ERCC6: variants seen among roughly 807,000 people sequenced by gnomAD.
The protein encoded by ERCC6 is ERCC excision repair 6, chromatin remodeling factor.
ERCC6 carries 116 observed loss-of-function variants against 158.7 expected under a neutral mutation model. The ratio of observed to expected loss-of-function variants is 0.73; its 90% CI spans 0.63 to 0.85. The LOEUF (loss-of-function observed/expected upper bound fraction) is 0.85. Among genes scored for constraint, ERCC6 ranks in the 40% least tolerant of loss-of-function variants. The probability of loss-of-function intolerance (pLI) is 0.00; values close to 1 mark genes in which losing one functional copy is unlikely to be tolerated. For missense variants in ERCC6, 1,698 were observed against 1,799.4 expected (o/e 0.94, Z 1.02); for synonymous variants, 678 against 659.3 (o/e 1.03, Z -0.43).
At chr10:49,460,600 C>T in intron 19 of ERCC6, 149 bp from the exon 20 acceptor site, 2 of 685,532 alleles carry the variant, frequency 2.9e-6, no homozygotes, top group South Asian at 3.3e-5. Context: ...CTCTATCCCC[C>T]TCGATTCTTC....
chr10:49,435,585 C>T, the ERCC6 span, among the ~76,000 whole-genome samples: 2 of 152,112 alleles, frequency 1.3e-5, no homozygotes, highest in African/African-American at 4.8e-5. Flanking sequence ...TGGAAGAAAT[C>T]ATATTGAAAA....
At chr10:49,493,085 CA>C (rs767600590) in intron 8 of ERCC6, 31 bp downstream of exon 8, 3 of 1,611,946 alleles carry the variant, frequency 1.9e-6, no homozygotes, top group Non-Finnish European at 2.5e-6. Context: ...GGCATTAAAA[CA>C]AAACAAAAAG....
In ERCC6 at chr10:49,470,292, G is replaced by A. The variant is rs1274783426; in HGVS notation, c.3668C>T (p.Pro1223Leu). ...RDAKFEGTRI[P>L]HLVKKRRYQK... The stretch of plus-strand genomic sequence containing the variant: ...GTAACGCCTTTTCTTCACCAGGTGT[G>A]GAATTCGAGTTCCTTCAAACTTGGC... The change falls in exon 18 of 21, where the codon CCA (proline) becomes CTA (leucine). Residue 1223 changes from proline to leucine, a missense_variant. By Grantham distance (98) the Pro-to-Leu change is moderately conservative (BLOSUM62 -3). Coordinates refer to ENST00000355832, the MANE Select transcript of ERCC6 (RefSeq NM_000124.4). The A allele has an allele frequency of 1.7e-5, 27 of 1,614,096 alleles. No individual in the cohort carries two copies. Among genetic ancestry groups the A allele is most frequent in the Non-Finnish European group, 2.3e-5 (27 of 1,180,004 alleles).
rs776389883 is a variant in ERCC6, at chr10:49,470,236, C to T, written c.3724G>A (p.Ala1242Thr). ...TAATCGTCATTGCTCTGTTCCTTGGCCTCACTCTTGTTTTCACTGTCTTGC... is the reference window on the plus strand; with the variant it reads ...TAATCGTCATTGCTCTGTTCCTTGGTCTCACTCTTGTTTTCACTGTCTTGC... ...QKQDSENKSE[A>T]KEQSNDDYVL... The change falls in exon 18 of 21, where the codon GCC becomes ACC. Residue 1242 changes from alanine (A) to threonine (T), a missense_variant. Coordinates refer to ENST00000355832, the MANE Select transcript of ERCC6 (RefSeq NM_000124.4). 2 of 1,614,148 alleles carry T rather than the reference C, an allele frequency of 1.2e-6. No homozygotes were observed. The highest frequency in any genetic ancestry group is 8.5e-7 in the Non-Finnish European group (1 of 1,180,024).
At chr10:49,492,797 C>G (rs1163934160) in intron 8 of ERCC6, among the ~76,000 whole-genome samples, 2 of 152,232 alleles carry the variant, frequency 1.3e-5, no homozygotes, top group Admixed American at 1.3e-4. Flanking sequence ...CAAAGTCTCT[C>G]CTTACTGGAC....
chr10:49,520,988 C>A (rs1263051802), intron 5 of ERCC6, among the ~76,000 whole-genome samples: 1 of 152,182 alleles, frequency 6.6e-6, no homozygotes, highest in African/African-American at 2.4e-5. Context: ...CAAGGCCCTG[C>A]ACTGGATGAA....
chr10:49,457,817 G>C lies in ERCC6; in HGVS notation c.*998C>G, dbSNP rs977785403. On this transcript the variant is annotated 3_prime_UTR_variant, in exon 21 of 21. Transcript: ENST00000355832. ...TGAGGATCAAAGCAACACCATCACA[G>C]AACCACAAACACATAAACAGTAGTG... 5 of 152,214 alleles carry C rather than the reference G, an allele frequency of 3.3e-5. No homozygotes were observed. The highest frequency in any genetic ancestry group is 7.3e-5 in the Non-Finnish European group (5 of 68,046). The allele number at this position is 152,214 out of a possible 1,614,324, so 9.4% of individuals were successfully genotyped here.
chr10:49,493,309 C>T (rs774929345), intron 7 of ERCC6, 57 bp from the exon 8 acceptor site: 29 of 1,607,900 alleles, frequency 1.8e-5, no homozygotes, highest in African/African-American at 4.0e-5. Context: ...CAGTCATCAA[C>T]TGCTCAAAAG....
chr10:49,479,397 C>A (rs1475980522), intron 10 of ERCC6, among the ~76,000 whole-genome samples: 1 of 152,110 alleles, frequency 6.6e-6, no homozygotes, highest in East Asian at 1.9e-4. Flanking sequence ...CACTCATGCA[C>A]ATATATGTAT....
rs930698457 is a variant in ERCC6, at chr10:49,535,011, T to C, written c.-14-2033A>G. Among the ~76,000 whole-genome samples the C allele has an allele frequency of 1.1e-4, 16 of 152,288 alleles. No homozygotes were observed. In the South Asian group the frequency reaches 3.1e-3, roughly 30 times the overall value. On this transcript the variant is annotated intron_variant, in intron 1 of 20. Coordinates refer to ENST00000355832, the MANE Select transcript of ERCC6 (RefSeq NM_000124.4). ...GGTCACACGAGCATCGAGCGAACTA[T>C]ATATGGTGTCTGGGGCCCAAGAAAT...
In ERCC6 at chr10:49,470,290, G is replaced by A. The variant is rs777652521; in HGVS notation, c.3670C>T (p.His1224Tyr). ...TGGTAACGCCTTTTCTTCACCAGGTGTGGAATTCGAGTTCCTTCAAACTTG... is the reference window on the plus strand; with the variant it reads ...TGGTAACGCCTTTTCTTCACCAGGTATGGAATTCGAGTTCCTTCAAACTTG... Reference protein sequence around the residue: ...DAKFEGTRIPHLVKKRRYQKQ... With the variant: ...DAKFEGTRIPYLVKKRRYQKQ... The change falls in exon 18 of 21, where the codon CAC becomes TAC. Residue 1224 changes from histidine to tyrosine, a missense_variant. His to Tyr is a moderately conservative substitution (Grantham distance 83). Transcript: ENST00000355832. 1.9e-6 allele frequency: 3 copies of A among 1,614,124 alleles called. No individual in the cohort carries two copies. The highest frequency in any genetic ancestry group is 2.5e-6 in the Non-Finnish European group (3 of 1,180,016).
At position 49,482,884 on chromosome 10, in the gene ERCC6, C is replaced by A. The variant is rs201487601; in HGVS notation, c.1993-21G>T. ...CGAAACTATTTGAGGAAAGGAAGCA[C>A]CTTTTTATTAAATTTACCTTTTAGC... On this transcript the variant is annotated intron_variant, in intron 9 of 20. Coordinates refer to ENST00000355832, the MANE Select transcript of ERCC6 (RefSeq NM_000124.4). 1.4e-4 allele frequency: 231 copies of A among 1,613,902 alleles called. No homozygotes were observed. In the African/African-American group the frequency reaches 2.9e-3, roughly 20 times the overall value.
chr10:49,474,694 G>A (rs1043714121), intron 12 of ERCC6, among the ~76,000 whole-genome samples: 6 of 152,090 alleles, frequency 3.9e-5, no homozygotes, highest in African/African-American at 1.4e-4. Context: ...AAGTTCTGCA[G>A]TTTAATATGA....
intron 8 of ERCC6, among the ~76,000 whole-genome samples, chr10:49,485,411 C>T (rs1851060107): frequency 6.6e-6 from 1 of 152,190 alleles, no homozygotes; most frequent in Non-Finnish European, 1.5e-5. Flanking sequence ...ATGTGATATA[C>T]ATACCATTTA....
chr10:49,505,610 G>C, intron 6 of ERCC6: 1 of 323,078 alleles, frequency 3.1e-6, no homozygotes, highest in Non-Finnish European at 5.6e-6. Flanking sequence ...CAACATAAAT[G>C]GCTTTTAAAT....
At position 49,470,381 on chromosome 10, in the gene ERCC6, T is replaced by C. The variant is rs1192560807; in HGVS notation, c.3579A>G (p.Glu1193=). The C allele has an allele frequency of 1.9e-6, 3 of 1,614,206 alleles. No homozygotes were observed. Among genetic ancestry groups the C allele is most frequent in the South Asian group, 2.2e-5 (2 of 91,084 alleles). The change falls in exon 18 of 21, where the codon GAA becomes GAG. Residue 1193 remains glutamate (E), a synonymous_variant. Transcript: ENST00000355832. The part of the protein sequence containing the change: ...SKTKHHSVAE[E]ETLEKHLRPK... ...GTCTCAGATGTTTCTCCAGGGTCTC[T>C]TCTTCTGCCACACTATGATGTTTTG...
rs1254296767 is a variant in ERCC6 at position 49,473,543 on chromosome 10, G to A, written c.2643C>T (p.Thr881=). The change falls in exon 14 of 21, where the codon ACC becomes ACT. Residue 881 remains threonine (T), a synonymous_variant. Coordinates refer to ENST00000355832, the MANE Select transcript of ERCC6 (RefSeq NM_000124.4). ...LEVFLRAQKY[T]YLKMDGTTTI... ...TAGTGGTACCATCCATCTTGAGATA[G>A]GTATACTTTTGGGCTCTAAGGAATA... 6.2e-7 allele frequency: 1 copy of A among 1,613,266 alleles called. No individual in the cohort carries two copies. The highest frequency in any genetic ancestry group is 8.5e-7 in the Non-Finnish European group (1 of 1,179,212).
chr10:49,527,780 AT>A (rs1484612869), intron 4 of ERCC6, among the ~76,000 whole-genome samples: 7 of 152,240 alleles, frequency 4.6e-5, no homozygotes, highest in Admixed American at 1.3e-4. Flanking sequence ...TGCTTAGAGA[AT>A]TTAATGCTAA....
At position 49,473,639 on chromosome 10, in the gene ERCC6, G is replaced by A. The variant is rs754647331; in HGVS notation, c.2599-52C>T. 5 of 982,100 alleles carry A rather than the reference G, an allele frequency of 5.1e-6. No homozygotes were observed. The Admixed American group carries it at 6.7e-5, about 13-fold the overall frequency. 60.8% of individuals were successfully genotyped at this position (982,100 alleles called of 1,614,324 possible). On this transcript the variant is annotated intron_variant, in intron 13 of 20. Transcript: ENST00000355832. Reference sequence around the variant, plus strand: ...TGCAAAGCAAATACACATTCCCAGTGAGTGCTTCTCTATTTGTGTAAATGG... The same window carrying A: ...TGCAAAGCAAATACACATTCCCAGTAAGTGCTTCTCTATTTGTGTAAATGG...
Sources: gnomAD v4.1 joint callset for allele counts (sites outside exome capture counted in the v4.1 genomes callset) on GRCh38, gnomAD v4.1.1 for gene constraint, MANE v1.5 for transcripts, NCBI Gene and HGNC (gene_info 2026-07-23, HGNC 2026-07-21) for gene names.